Variants in PPL observed in about 807,000 individuals in gnomAD.
The protein encoded by PPL is 190 kDa paraneoplastic pemphigus antigen.
A neutral mutation model predicts 194.4 loss-of-function variants in PPL; 198 were observed. The ratio of observed to expected loss-of-function variants is 1.02; its 90% CI spans 0.91 to 1.15. PPL has a LOEUF of 1.15. PPL is among the 50% of genes most tolerant of loss of function. PPL has a pLI of 0.00. For synonymous variants in PPL, 1,220 were observed against 972.4 expected, an observed-to-expected ratio of 1.25 and a Z score of -4.74; for missense variants, 2,885 against 2,294.8, an observed-to-expected ratio of 1.26 and a Z score of -5.25.
intron 14 of PPL, chr16:4,892,618 G>T (rs577391591): frequency 5.6e-6 from 1 of 176,998 alleles, no homozygotes; most frequent in Non-Finnish European, 1.2e-5. Flanking sequence ...ACCCGAGACC[G>T]GCATCCTCTC....
intron 2 of PPL, among the ~76,000 whole-genome samples, chr16:4,906,336 T>G (rs1345764638): frequency 6.6e-6 from 1 of 152,206 alleles, no homozygotes; most frequent in East Asian, 1.9e-4. Context: ...ACCATTATCC[T>G]GCCTCAGCCT....
intron 2 of PPL, among the ~76,000 whole-genome samples, chr16:4,908,026 G>A (rs1486667578): frequency 6.6e-6 from 1 of 151,944 alleles, no homozygotes; most frequent in Non-Finnish European, 1.5e-5. Context: ...GCTGGGCGTG[G>A]TGGTGCCTGC....
chr16:4,883,641 C>T lies in PPL; in HGVS notation c.5014G>A (p.Glu1672Lys). 1 of 1,614,220 alleles carries T rather than the reference C, an allele frequency of 6.2e-7. No individual in the cohort carries two copies. Among genetic ancestry groups the T allele is most frequent in the Non-Finnish European group, 8.5e-7 (1 of 1,180,036 alleles). Residue 1672 changes from glutamate to lysine, a missense_variant, in exon 22 of 22, where the codon GAG becomes AAG. Coordinates refer to ENST00000345988, the MANE Select transcript of PPL (RefSeq NM_002705.5). The surrounding 1 kb of genome is among the most constrained non-coding windows in gnomAD (Gnocchi z 4.8). ...ATGAGCCCGGCACGGTGGGCTTCCT[C>T]CGGGGACAGCTCGCGGCCTGTGTCA... is the stretch of plus-strand genomic sequence containing the variant. ...HPDTGRELSP[E>K]EAHRAGLIDW...
chr16:4,887,365 C>A (rs951886389), intron 20 of PPL, 138 bp from the exon 21 acceptor site: 2 of 681,350 alleles, frequency 2.9e-6, no homozygotes, highest in African/African-American at 1.8e-5. Flanking sequence ...CCACTCCTGC[C>A]TGGAGTTAGA....
Position 4,933,987 on chromosome 16 carries a change from T to A in PPL, c.62+2997A>T, listed in dbSNP as rs148612162. Among the ~76,000 whole-genome samples the A allele has an allele frequency of 4.9e-3, 752 of 152,086 alleles. 7 individuals carry two copies. The highest frequency in any genetic ancestry group is 0.017 in the African/African-American group (710 of 41,520). On this transcript the variant is annotated intron_variant, in intron 1 of 21. Coordinates refer to ENST00000345988, the MANE Select transcript of PPL (RefSeq NM_002705.5). ...TATTTCATTTAATCCTGAGCCAACA[T>A]CGCCAGGCAGGCACCGTGCTTATTC... is the stretch of plus-strand genomic sequence containing the variant.
At position 4,937,023 on chromosome 16, in the gene PPL, C is replaced by T; in HGVS notation, c.23G>A (p.Arg8Lys). The stretch of plus-strand genomic sequence containing the variant: ...AGTGGGGCTGTATTTGCCTTTGTTT[C>T]TCTTCCTGAAGAGCGAGTTCATGGT... MNSLFRK[R>K]NKGKYSPTVQ... The change falls in exon 1 of 22, where the codon AGA becomes AAA. Residue 8 changes from arginine to lysine, a missense_variant. Arg to Lys is a conservative substitution (Grantham distance 26, BLOSUM62 2). Coordinates refer to ENST00000345988, the MANE Select transcript of PPL (RefSeq NM_002705.5). The T allele has an allele frequency of 6.5e-7, 1 of 1,528,656 alleles. No individual in the cohort carries two copies. The highest frequency in any genetic ancestry group is 8.8e-7 in the Non-Finnish European group (1 of 1,135,762). The allele number at this position is 1,528,656 out of a possible 1,614,324, so 94.7% of individuals were successfully genotyped here. A position where few individuals can be genotyped will look rare whatever the true frequency, so the allele number is the denominator to read the frequency against.
At chr16:4,936,924 G>A (rs1478260694) in intron 1 of PPL, 60 bp downstream of exon 1, 2 of 1,517,528 alleles carry the variant, frequency 1.3e-6, no homozygotes, top group Admixed American at 1.9e-5. Context: ...AGGTCTTCCA[G>A]GTCCTGTGCG....
intron 13 of PPL, 83 bp from the exon 14 acceptor site, chr16:4,893,453 C>A: frequency 6.3e-7 from 1 of 1,588,052 alleles, no homozygotes; most frequent in East Asian, 2.3e-5. Context: ...CAGCCAGCCC[C>A]CCGCCGTCTC....
intron 12 of PPL, 73 bp downstream of exon 12, chr16:4,894,394 G>T: frequency 6.4e-7 from 1 of 1,563,650 alleles, no homozygotes; most frequent in East Asian, 2.3e-5. Context: ...CAAATCCCCG[G>T]GGCTATGAAT....
At position 4,894,552 on chromosome 16, in the gene PPL, C is replaced by T; in HGVS notation, c.1309G>A (p.Asp437Asn). The T allele has an allele frequency of 6.2e-7, 1 of 1,613,894 alleles. No homozygotes were observed. Among genetic ancestry groups the T allele is most frequent in the East Asian group, 2.2e-5 (1 of 44,874 alleles). Residue 437 changes from aspartate to asparagine, a missense_variant, in exon 12 of 22, where the codon GAC becomes AAC. Coordinates refer to ENST00000345988, the MANE Select transcript of PPL (RefSeq NM_002705.5). Reference protein sequence around the residue: ...KNNGESWELMDSAGNKLIAPA... With the variant: ...KNNGESWELMNSAGNKLIAPA... ...GCAATCAGCTTGTTCCCAGCGCTGTCCATGAGCTCCCAGCTCTCCCCGTTG... is the reference window on the plus strand; with the variant it reads ...GCAATCAGCTTGTTCCCAGCGCTGTTCATGAGCTCCCAGCTCTCCCCGTTG...
intron 1 of PPL, among the ~76,000 whole-genome samples, chr16:4,916,214 T>C (rs1264252825): frequency 1.3e-5 from 2 of 152,054 alleles, no homozygotes; most frequent in Non-Finnish European, 2.9e-5. Flanking sequence ...TTATTTTTAT[T>C]ACTTATTTAT....
chr16:4,918,001 C>T (rs956404673), intron 1 of PPL, among the ~76,000 whole-genome samples: 7 of 146,792 alleles, frequency 4.8e-5, no homozygotes, highest in African/African-American at 1.8e-4. Context: ...AAAAAAAACA[C>T]AAAAAAGGCA....
chr16:4,910,775 T>C lies in PPL; in HGVS notation c.162+75A>G, dbSNP rs184815337. 130 of 1,305,274 alleles carry C rather than the reference T, an allele frequency of 1.0e-4. No homozygotes were observed. The African/African-American group carries it at 1.7e-3, about 17-fold the overall frequency. The allele number at this position is 1,305,274 out of a possible 1,614,324, so 80.9% of individuals were successfully genotyped here. A position where few individuals can be genotyped will look rare whatever the true frequency, so the allele number is the denominator to read the frequency against. ...TCACCCCTGGGTGAGAATCACCGAT[T>C]CCAAACAGATCCTGGTCCTGAACAG... is the stretch of plus-strand genomic sequence containing the variant. On this transcript the variant is annotated intron_variant, in intron 2 of 21. Transcript: ENST00000345988.
At chr16:4,934,628 T>C (rs1052979065) in intron 1 of PPL, among the ~76,000 whole-genome samples, 1 of 151,998 alleles carries the variant, frequency 6.6e-6, no homozygotes, top group Non-Finnish European at 1.5e-5. Flanking sequence ...ACCAGCAATT[T>C]TGTCCTCCCC....
intron 12 of PPL, chr16:4,893,915 G>C (rs913276258): frequency 2.0e-5 from 10 of 509,982 alleles, no homozygotes; most frequent in African/African-American, 1.7e-4. Flanking sequence ...AGCATACACA[G>C]TAGGTGCTCA....
chr16:4,906,955 G>C (rs976681530), intron 2 of PPL, among the ~76,000 whole-genome samples: 3 of 152,068 alleles, frequency 2.0e-5, no homozygotes, highest in African/African-American at 7.2e-5. Context: ...GTTTTTTAAA[G>C]TCACAGGGGC....
At chr16:4,913,434 G>T (rs528139585) in intron 1 of PPL, among the ~76,000 whole-genome samples, 2 of 152,336 alleles carry the variant, frequency 1.3e-5, no homozygotes, top group African/African-American at 4.8e-5. Flanking sequence ...ATGAATGGAA[G>T]TGAGGTTACA....
intron 1 of PPL, among the ~76,000 whole-genome samples, chr16:4,930,797 GA>G (rs2142429439): frequency 6.6e-6 from 1 of 152,222 alleles, no homozygotes; most frequent in East Asian, 1.9e-4. Context: ...ATGGCAGAGG[GA>G]AAGGCCTTGT....
chr16:4,903,127 G>C (rs2088610911), intron 3 of PPL, among the ~76,000 whole-genome samples: 1 of 152,214 alleles, frequency 6.6e-6, no homozygotes, highest in African/African-American at 2.4e-5. Context: ...CCACAGTGTG[G>C]TGCATGCCAT....
Sources: allele counts gnomAD v4.1 joint callset (sites outside exome capture counted in the v4.1 genomes callset), GRCh38; gene constraint gnomAD v4.1.1; non-coding constraint Gnocchi (gnomAD v3.1); transcripts MANE v1.5; gene names NCBI Gene and HGNC (gene_info 2026-07-23, HGNC 2026-07-21).